Variants in FOXP1 observed in about 807,000 individuals in gnomAD.
FOXP1 encodes the protein forkhead box protein P1.
Under a neutral mutation model 98.2 loss-of-function variants are expected in FOXP1, and 15 were observed. The observed-to-expected ratio is 0.15, with a 90% CI of 0.10 to 0.24. The LOEUF (loss-of-function observed/expected upper bound fraction) is 0.24, where lower values mean the gene tolerates loss of function less well. Among genes scored for constraint, FOXP1 ranks in the 10% least tolerant of loss-of-function variants. The pLI is 1.00. For missense variants in FOXP1, 633 were observed against 848.5 expected (o/e 0.75, Z 3.15); for synonymous variants, 371 against 314.5 (o/e 1.18, Z -1.90).
At chr3:71,496,078 TTTCTATTTAGTAAAA>T (rs1374981465) in intron 2 of FOXP1, among the ~76,000 whole-genome samples, 4 of 152,198 alleles carry the variant, frequency 2.6e-5, no homozygotes, top group African/African-American at 9.7e-5. Flanking sequence ...GTAATCTAGA[TTTCTATTTAGTAAAA>T]TTCCAGAATT....
intron 6 of FOXP1, among the ~76,000 whole-genome samples, chr3:71,138,211 A>G (rs1023139801): frequency 6.6e-6 from 1 of 152,218 alleles, no homozygotes; most frequent in African/African-American, 2.4e-5. Flanking sequence ...GAAGAAGCGA[A>G]TGCTTCTAAT....
intron 3 of FOXP1, among the ~76,000 whole-genome samples, chr3:71,402,703 A>G (rs997260067): frequency 3.9e-5 from 6 of 152,236 alleles, no homozygotes; most frequent in Non-Finnish European, 7.3e-5. Flanking sequence ...AAGTGTATAT[A>G]AATGGAATGG....
chr3:70,966,398 C>A (rs2034786188), intron 19 of FOXP1: 2 of 349,404 alleles, frequency 5.7e-6, no homozygotes, highest in Admixed American at 3.8e-5. Context: ...ATTTCCAGAT[C>A]ACAGTGAAAT....
intron 2 of FOXP1, among the ~76,000 whole-genome samples, chr3:71,495,841 G>A (rs1041538237): frequency 2.6e-5 from 4 of 152,264 alleles, no homozygotes; most frequent in African/African-American, 7.2e-5. Context: ...ACCTGACCAT[G>A]CTGGTACTAA....
intron 4 of FOXP1, among the ~76,000 whole-genome samples, chr3:71,329,514 C>T (rs905721050): frequency 2.6e-5 from 4 of 151,654 alleles, no homozygotes; most frequent in African/African-American, 9.7e-5. Context: ...CCACCGCGCC[C>T]GGCCACAAAG....
In FOXP1 at chr3:71,546,905, T is replaced by C. The variant is rs78591988; in HGVS notation, c.-298+34644A>G. Among the ~76,000 whole-genome samples the C allele has an allele frequency of 5.8e-3, 881 of 152,184 alleles. 26 individuals carry two copies. In the East Asian group the frequency reaches 0.089, roughly 15 times the overall value. ...AAAACTGAAGGGTCAATTTTCATCA[T>C]GAGCTTGAGAAAAGAAGGAAATTGC... On this transcript the variant is annotated intron_variant, in intron 2 of 20. Coordinates refer to ENST00000649528, the MANE Select transcript of FOXP1 (RefSeq NM_001349338.3).
At chr3:71,242,932 T>TG (rs1453939202) in intron 5 of FOXP1, among the ~76,000 whole-genome samples, 5 of 152,212 alleles carry the variant, frequency 3.3e-5, no homozygotes, top group Non-Finnish European at 5.9e-5. Flanking sequence ...GTAAATTATG[T>TG]GCCTTTCAAG....
chr3:70,958,263 A>T lies in FOXP1; in HGVS notation c.*984T>A. ...AACACCCCTCCCCCGAACCACCCCC[A>T]ATACTGCTGCGTGGAATGAATCGGC... On this transcript the variant is annotated 3_prime_UTR_variant, in exon 21 of 21. Transcript: ENST00000649528. The T allele has an allele frequency of 1.9e-6, 1 of 533,520 alleles. No homozygotes were observed. The highest frequency in any genetic ancestry group is 3.6e-6 in the Non-Finnish European group (1 of 275,042). 33.0% of individuals were successfully genotyped at this position (533,520 alleles called of 1,614,324 possible).
chr3:71,057,838 G>A (rs1367724304), intron 7 of FOXP1, among the ~76,000 whole-genome samples: 1 of 152,068 alleles, frequency 6.6e-6, no homozygotes. Flanking sequence ...CTGTGCTTGG[G>A]CCATCACAGC....
intron 9 of FOXP1, 127 bp from the exon 10 acceptor site, chr3:71,047,222 C>T (rs768145750): frequency 3.0e-5 from 33 of 1,093,916 alleles, no homozygotes; most frequent in Non-Finnish European, 4.6e-5. Context: ...TGGAGGGCTC[C>T]GTGTCAAGGT....
intron 6 of FOXP1, among the ~76,000 whole-genome samples, chr3:71,165,247 TAAA>T (rs34841115): frequency 2.2e-5 from 3 of 136,534 alleles, no homozygotes; most frequent in Admixed American, 7.3e-5. Flanking sequence ...TATTTTTTTG[TAAA>T]AAAAAAAAAA....
chr3:71,201,282 T>C (rs950242629), intron 5 of FOXP1, among the ~76,000 whole-genome samples: 2 of 152,198 alleles, frequency 1.3e-5, no homozygotes, highest in African/African-American at 4.8e-5. Flanking sequence ...AGAAATGAAT[T>C]AGTGAAACCT....
At chr3:71,413,259 G>GACACACACACAT (rs2082925734) in intron 3 of FOXP1, among the ~76,000 whole-genome samples, 18 of 64,472 alleles carry the variant, frequency 2.8e-4, no homozygotes, top group African/African-American at 9.7e-4. Flanking sequence ...CCCCCAAATA[G>GACACACACACAT]ACACACACAC....
At chr3:71,000,008 TCGG>T in intron 13 of FOXP1, among the ~76,000 whole-genome samples, 1 of 152,332 alleles carries the variant, frequency 6.6e-6, no homozygotes, top group East Asian at 1.9e-4. Flanking sequence ...ATTTTGGAAC[TCGG>T]CTGCATAAAT....
At chr3:71,064,027 T>C (rs1191145828) in intron 7 of FOXP1, among the ~76,000 whole-genome samples, 1 of 152,162 alleles carries the variant, frequency 6.6e-6, no homozygotes, top group Non-Finnish European at 1.5e-5. Context: ...CCGGTTCAGC[T>C]GGGAGTACCC....
chr3:71,116,308 A>C (rs1357241086), intron 6 of FOXP1, among the ~76,000 whole-genome samples: 1 of 152,114 alleles, frequency 6.6e-6, no homozygotes, highest in Non-Finnish European at 1.5e-5. Context: ...TCTCATACAG[A>C]GGCCCACTAA....
At chr3:71,324,279 G>C (rs2075559100) in intron 4 of FOXP1, among the ~76,000 whole-genome samples, 1 of 152,038 alleles carries the variant, frequency 6.6e-6, no homozygotes, top group Admixed American at 6.6e-5. Context: ...GTTGCCCAAA[G>C]GATTATAAAT....
chr3:71,535,122 G>A (rs781509256), intron 2 of FOXP1, among the ~76,000 whole-genome samples: 2 of 152,194 alleles, frequency 1.3e-5, no homozygotes, highest in African/African-American at 2.4e-5. Flanking sequence ...AGCAAAAGGA[G>A]CTGAAAATCC....
At chr3:70,968,252 G>T (rs1402890739) in intron 19 of FOXP1, 1 of 152,088 alleles carries the variant, frequency 6.6e-6, no homozygotes, top group East Asian at 1.9e-4. Flanking sequence ...AGAGATCCCA[G>T]TGCCTGATCC....
Sources: gnomAD v4.1 joint callset for allele counts (sites outside exome capture counted in the v4.1 genomes callset) on GRCh38, gnomAD v4.1.1 for gene constraint, MANE v1.5 for transcripts, NCBI Gene and HGNC (gene_info 2026-07-23, HGNC 2026-07-21) for gene names.